The following MACROD2 variants were observed in gnomAD, a reference collection of about 807,000 sequenced individuals.
The protein encoded by MACROD2 is ADP-ribose glycohydrolase MACROD2.
A neutral mutation model predicts 70.4 loss-of-function variants in MACROD2; 36 were observed. That is an observed-to-expected ratio of 0.51 (90% CI 0.39 to 0.68). MACROD2 has a LOEUF of 0.68. MACROD2 is among the 30% of genes least tolerant of loss of function. MACROD2 has a pLI of 0.00. For synonymous variants in MACROD2, 172 were observed against 178.8 expected (o/e 0.96, Z 0.30); for missense variants, 496 against 538.4 (o/e 0.92, Z 0.78).
chr20:14,055,381 T>A (rs192599021), intron 2 of MACROD2, among the ~76,000 whole-genome samples: 2 of 152,096 alleles, frequency 1.3e-5, no homozygotes, highest in African/African-American at 2.4e-5. Context: ...CCTGTTACAG[T>A]CTTTCTCTTT....
chr20:15,473,188 A>G (rs1462087601), intron 7 of MACROD2, among the ~76,000 whole-genome samples: 1 of 152,190 alleles, frequency 6.6e-6, no homozygotes, highest in Non-Finnish European at 1.5e-5. Context: ...CCTGGCCTTC[A>G]GGTATATTGG....
At chr20:14,626,026 T>C (rs553771725) in intron 4 of MACROD2, among the ~76,000 whole-genome samples, 1 of 152,238 alleles carries the variant, frequency 6.6e-6, no homozygotes, top group Admixed American at 6.5e-5. Flanking sequence ...GGGTTTCACC[T>C]TGTTGATTAG....
chr20:15,949,651 G>A (rs1295307678), intron 12 of MACROD2, among the ~76,000 whole-genome samples: 1 of 152,066 alleles, frequency 6.6e-6, no homozygotes, highest in African/African-American at 2.4e-5. Context: ...CATTCCATTG[G>A]TGCCTTCCAT....
chr20:14,378,932 T>C (rs1451041758), intron 3 of MACROD2, among the ~76,000 whole-genome samples: 2 of 152,228 alleles, frequency 1.3e-5, no homozygotes, highest in Non-Finnish European at 2.9e-5. Flanking sequence ...TCCATGCCTC[T>C]CATGAAGCAG....
At chr20:14,588,692 G>A (rs1981551441) in intron 4 of MACROD2, among the ~76,000 whole-genome samples, 1 of 152,096 alleles carries the variant, frequency 6.6e-6, no homozygotes, top group Non-Finnish European at 1.5e-5. Context: ...TTGAACTCAT[G>A]ACCTTGTGAT....
At chr20:16,010,750 A>G (rs1316799541) in intron 15 of MACROD2, among the ~76,000 whole-genome samples, 10 of 152,144 alleles carry the variant, frequency 6.6e-5, no homozygotes, top group African/African-American at 2.4e-4. Flanking sequence ...AAGATTTAGA[A>G]GCCCCTGGCA....
intron 3 of MACROD2, among the ~76,000 whole-genome samples, chr20:14,263,642 G>A (rs1323016146): frequency 7.9e-5 from 12 of 152,232 alleles, no homozygotes; most frequent in East Asian, 5.8e-4. Flanking sequence ...AGGGTTGGAA[G>A]TGTGTGAGAG....
At chr20:14,413,163 A>G (rs1460954190) in intron 3 of MACROD2, among the ~76,000 whole-genome samples, 1 of 146,256 alleles carries the variant, frequency 6.8e-6, no homozygotes, top group Non-Finnish European at 1.5e-5. Flanking sequence ...AACCCAAATA[A>G]TCCAACTTTA....
intron 4 of MACROD2, among the ~76,000 whole-genome samples, chr20:14,538,188 G>T (rs911921265): frequency 2.6e-5 from 4 of 152,170 alleles, no homozygotes; most frequent in African/African-American, 9.7e-5. Flanking sequence ...TCTCAACCGT[G>T]GGAGGGGGTG....
chr20:14,515,465 G>GCGCACACACACACACACACA (rs1369248292), intron 4 of MACROD2, among the ~76,000 whole-genome samples: 67 of 127,166 alleles, frequency 5.3e-4, no homozygotes, highest in Middle Eastern at 4.0e-3. Context: ...ACACACACAC[G>GCGCACACACACACACACACA]CACACACACA....
intron 8 of MACROD2, among the ~76,000 whole-genome samples, chr20:15,804,140 G>A (rs1439475152): frequency 3.3e-5 from 5 of 152,192 alleles, no homozygotes; most frequent in Non-Finnish European, 5.9e-5. Context: ...ATGACCTTGA[G>A]AAGTTCTATT....
chr20:14,540,259 T>C (rs1484178774), intron 4 of MACROD2, among the ~76,000 whole-genome samples: 1 of 152,188 alleles, frequency 6.6e-6, no homozygotes, highest in Non-Finnish European at 1.5e-5. Flanking sequence ...TCAGTTACGT[T>C]TACTTCCCCA....
intron 4 of MACROD2, among the ~76,000 whole-genome samples, chr20:14,528,180 G>C (rs1327032156): frequency 6.6e-6 from 1 of 151,332 alleles, no homozygotes; most frequent in Admixed American, 6.6e-5. Context: ...CATGATCTTG[G>C]CTCACTGCAA....
chr20:14,572,729 G>A (rs1247579158), intron 4 of MACROD2, among the ~76,000 whole-genome samples: 2 of 152,006 alleles, frequency 1.3e-5, no homozygotes, highest in Admixed American at 1.3e-4. Context: ...CATGAGGAAG[G>A]ATTTTGGGGG....
intron 6 of MACROD2, among the ~76,000 whole-genome samples, chr20:15,358,784 G>T (rs12480304): frequency 0.15 from 22,589 of 151,008 alleles, 1,742 homozygotes; most frequent in Middle Eastern, 0.25. Context: ...GTGCCCTCCA[G>T]ATGGCGAAGA....
At chr20:15,296,848 C>T (rs931585139) in intron 6 of MACROD2, among the ~76,000 whole-genome samples, 1 of 152,230 alleles carries the variant, frequency 6.6e-6, no homozygotes, top group Admixed American at 6.5e-5. Context: ...ATCTGAGGTG[C>T]TGGCACCATA....
intron 3 of MACROD2, among the ~76,000 whole-genome samples, chr20:14,267,871 A>T (rs2082156582): frequency 6.6e-6 from 1 of 152,044 alleles, no homozygotes; most frequent in Non-Finnish European, 1.5e-5. Flanking sequence ...GGATTCATAG[A>T]CCCCTGAAAA....
At chr20:14,065,958 C>T (rs1214834025) in intron 2 of MACROD2, among the ~76,000 whole-genome samples, 2 of 152,146 alleles carry the variant, frequency 1.3e-5, no homozygotes, top group Non-Finnish European at 2.9e-5. Context: ...AGTTCTGTGA[C>T]CTTGGGCAAG....
chr20:15,842,698 G>C (rs2064184863), intron 8 of MACROD2, among the ~76,000 whole-genome samples: 2 of 122,442 alleles, frequency 1.6e-5, no homozygotes, highest in South Asian at 5.8e-4. Flanking sequence ...TGGTTGGATG[G>C]GGGGTGGGTG....
Sources: allele counts gnomAD v4.1 joint callset (sites outside exome capture counted in the v4.1 genomes callset), GRCh38; gene constraint gnomAD v4.1.1; transcripts MANE v1.5; gene names NCBI Gene and HGNC (gene_info 2026-07-23, HGNC 2026-07-21).